The following ANKRD10 variants were observed in gnomAD, a reference collection of about 807,000 sequenced individuals.
The protein encoded by ANKRD10 is ankyrin repeat domain-containing protein 10.
In ANKRD10, 14 loss-of-function variants were observed where a neutral mutation model predicts 27.0. The observed-to-expected ratio is 0.52, with a 90% CI of 0.34 to 0.81. The LOEUF (loss-of-function observed/expected upper bound fraction) is 0.81. Among genes scored for constraint, ANKRD10 ranks in the 40% least tolerant of loss-of-function variants. The pLI, the probability that ANKRD10 is intolerant of heterozygous loss-of-function variation, is 0.01. For missense variants in ANKRD10, 493 were observed against 544.0 expected (o/e 0.91, Z 0.93); for synonymous variants, 250 against 224.5 (o/e 1.11, Z -1.01).
chr13:110,898,444 C>T (rs66681527), intron 3 of ANKRD10, among the ~76,000 whole-genome samples: 14,454 of 152,206 alleles, frequency 0.095, 841 homozygotes, highest in South Asian at 0.15. Context: ...GAGTTGAGCA[C>T]GTAAATGAAA....
intron 5 of ANKRD10, among the ~76,000 whole-genome samples, chr13:110,881,510 T>G (rs2064818173): frequency 8.0e-6 from 1 of 124,502 alleles, no homozygotes; most frequent in Admixed American, 8.8e-5. Flanking sequence ...TTGCTATAAA[T>G]TCTTCACAGG....
intron 3 of ANKRD10, among the ~76,000 whole-genome samples, chr13:110,905,462 G>A (rs779258533): frequency 1.3e-5 from 2 of 152,194 alleles, no homozygotes; most frequent in Non-Finnish European, 2.9e-5. Context: ...ACCAGTACCA[G>A]AAGCTTACAG....
intron 4 of ANKRD10, among the ~76,000 whole-genome samples, chr13:110,887,550 C>T (rs528071193): frequency 1.3e-5 from 2 of 152,272 alleles, no homozygotes; most frequent in East Asian, 3.9e-4. Context: ...AACCAAAAAG[C>T]ACTCTATAAA....
At chr13:110,900,683 C>T (rs1027692331) in intron 3 of ANKRD10, 13 of 1,351,094 alleles carry the variant, frequency 9.6e-6, no homozygotes, top group Admixed American at 7.6e-5. Flanking sequence ...CAAGTCAATT[C>T]GAATTACGTA....
At chr13:110,895,915 G>A (rs1566469076) in intron 3 of ANKRD10, among the ~76,000 whole-genome samples, 1 of 152,148 alleles carries the variant, frequency 6.6e-6, no homozygotes, top group Non-Finnish European at 1.5e-5. Flanking sequence ...AGTTAAATAC[G>A]TGCTTGTCCT....
At chr13:110,885,927 G>A (rs568821472) in intron 4 of ANKRD10, among the ~76,000 whole-genome samples, 3 of 152,230 alleles carry the variant, frequency 2.0e-5, no homozygotes, top group Non-Finnish European at 4.4e-5. Context: ...AGAGCTTCAC[G>A]AAAGCTGGGG....
At chr13:110,891,769 A>T (rs951265643) in intron 4 of ANKRD10, among the ~76,000 whole-genome samples, 6 of 152,016 alleles carry the variant, frequency 3.9e-5, no homozygotes, top group Admixed American at 6.6e-5. Context: ...ATACTCAGCA[A>T]ATCTGAGCTC....
At chr13:110,901,441 G>T (rs2065377227) in intron 3 of ANKRD10, among the ~76,000 whole-genome samples, 2 of 152,160 alleles carry the variant, frequency 1.3e-5, no homozygotes, top group South Asian at 4.1e-4. Flanking sequence ...GAAATATTTA[G>T]CATGCTCCTG....
intron 2 of ANKRD10, among the ~76,000 whole-genome samples, chr13:110,909,036 C>A (rs756299977): frequency 3.3e-5 from 5 of 152,048 alleles, no homozygotes; most frequent in Non-Finnish European, 7.4e-5. Context: ...AGGTGGGAGA[C>A]CCAGCAGCAC....
At chr13:110,888,814 T>C (rs1046335483) in intron 4 of ANKRD10, among the ~76,000 whole-genome samples, 5 of 152,220 alleles carry the variant, frequency 3.3e-5, no homozygotes, top group African/African-American at 1.2e-4. Flanking sequence ...GTTTTTATAT[T>C]CAATACCTTC....
Position 110,883,982 on chromosome 13 carries a change from CAT to C in ANKRD10, c.692-191_692-190del, listed in dbSNP as rs548172392. Among the ~76,000 whole-genome samples the C allele has an allele frequency of 1.3e-3, 199 of 152,256 alleles. 1 individual carries two copies. The highest frequency in any genetic ancestry group is 2.9e-4 in the Non-Finnish European group (20 of 68,022). ...TTCCACAATCAAAAAGATTTCTTGA[CAT>C]GTGCAGATTTTAAGGTCATGGAATT... is the stretch of plus-strand genomic sequence containing the variant. On this transcript the variant is annotated intron_variant, in intron 4 of 5. Coordinates refer to ENST00000267339, the MANE Select transcript of ANKRD10 (RefSeq NM_017664.4).
At chr13:110,883,597 TA>T in intron 5 of ANKRD10, 100 bp downstream of exon 5, 1 of 1,553,460 alleles carries the variant, frequency 6.4e-7, no homozygotes, top group Non-Finnish European at 8.7e-7. Flanking sequence ...ACACAGTATA[TA>T]TTTCTATTTC....
At chr13:110,910,828 T>C (rs1402902031) in intron 1 of ANKRD10, 58 bp from the exon 2 acceptor site, 1 of 1,493,160 alleles carries the variant, frequency 6.7e-7, no homozygotes, top group South Asian at 1.3e-5. Flanking sequence ...CTATTCAATA[T>C]TACATGAATA....
chr13:110,899,538 A>C (rs1594601641), intron 3 of ANKRD10, among the ~76,000 whole-genome samples: 1 of 152,240 alleles, frequency 6.6e-6, no homozygotes, highest in East Asian at 1.9e-4. Flanking sequence ...CTTGAGGTTC[A>C]AACTGGTTCT....
At chr13:110,908,721 T>C (rs1421869389) in intron 2 of ANKRD10, among the ~76,000 whole-genome samples, 2 of 152,112 alleles carry the variant, frequency 1.3e-5, no homozygotes, top group Non-Finnish European at 2.9e-5. Flanking sequence ...AGTCACTGGG[T>C]GCCCATAACA....
At position 110,893,270 on chromosome 13, in the gene ANKRD10, A is replaced by C. The variant is rs1373987839; in HGVS notation, c.456-7T>G. On this transcript the variant is annotated splice_region_variant and splice_polypyrimidine_tract_variant and intron_variant, in intron 3 of 5. Coordinates refer to ENST00000267339, the MANE Select transcript of ANKRD10 (RefSeq NM_017664.4). ...GCCACTGGCATTTCTCAGGCTGTACAACACAAAAACACTGAATTACACCCC... is the reference window on the plus strand; with the variant it reads ...GCCACTGGCATTTCTCAGGCTGTACCACACAAAAACACTGAATTACACCCC... 1 of 1,613,102 alleles carries C rather than the reference A, an allele frequency of 6.2e-7. No homozygotes were observed. The highest frequency in any genetic ancestry group is 1.3e-5 in the African/African-American group (1 of 74,912).
At chr13:110,894,561 T>C (rs1169917509) in intron 3 of ANKRD10, 1 of 160,456 alleles carries the variant, frequency 6.2e-6, no homozygotes, top group Non-Finnish European at 1.4e-5. Flanking sequence ...GAAGTGTGCA[T>C]GGACACTAGC....
intron 4 of ANKRD10, among the ~76,000 whole-genome samples, chr13:110,885,682 G>A (rs970293293): frequency 3.9e-5 from 6 of 152,204 alleles, no homozygotes; most frequent in Non-Finnish European, 7.3e-5. Flanking sequence ...CAGAGAACCT[G>A]CAGCCAAGAG....
At chr13:110,896,087 T>A (rs1406166933) in intron 3 of ANKRD10, among the ~76,000 whole-genome samples, 1 of 152,208 alleles carries the variant, frequency 6.6e-6, no homozygotes, top group Non-Finnish European at 1.5e-5. Flanking sequence ...TTCTAGCATC[T>A]CACATAATTT....
Sources: gnomAD v4.1 joint callset for allele counts (sites outside exome capture counted in the v4.1 genomes callset) on GRCh38, gnomAD v4.1.1 for gene constraint, MANE v1.5 for transcripts, NCBI Gene and HGNC (gene_info 2026-07-23, HGNC 2026-07-21) for gene names.